THEMIS: variants seen among roughly 807,000 people sequenced by gnomAD.
THEMIS encodes thymocyte selection associated, also known as protein THEMIS.
THEMIS carries 37 observed loss-of-function variants against 52.6 expected under a neutral mutation model. That is an observed-to-expected ratio of 0.70 (90% CI 0.54 to 0.93). The LOEUF is 0.93. Among genes scored for constraint, THEMIS ranks in the 40% least tolerant of loss-of-function variants. The pLI, the probability that THEMIS is intolerant of heterozygous loss-of-function variation, is 0.00. For missense variants in THEMIS, 808 were observed against 763.1 expected, an observed-to-expected ratio of 1.06 and a Z score of -0.69; for synonymous variants, 292 against 272.7, an observed-to-expected ratio of 1.07 and a Z score of -0.70.
intron 4 of THEMIS, among the ~76,000 whole-genome samples, chr6:127,758,001 C>A (rs1775893075): frequency 6.6e-6 from 1 of 151,696 alleles, no homozygotes; most frequent in African/African-American, 2.4e-5. Flanking sequence ...TATATATACA[C>A]ACACCCACAC....
At chr6:127,779,091 T>G (rs1385686788) in intron 4 of THEMIS, among the ~76,000 whole-genome samples, 2 of 152,074 alleles carry the variant, frequency 1.3e-5, no homozygotes, top group Non-Finnish European at 2.9e-5. Context: ...AAACTGAAAC[T>G]ACAGACTGCC....
intron 3 of THEMIS, 87 bp from the exon 4 acceptor site, chr6:127,814,018 CT>C: frequency 8.6e-7 from 1 of 1,163,954 alleles, no homozygotes; most frequent in African/African-American, 1.6e-5. Context: ...AAATAAATTT[CT>C]TTTACAAAAT....
In THEMIS at chr6:127,813,783, T is replaced by C; in HGVS notation, c.858A>G (p.Glu286=). The change falls in exon 4 of 6, where the codon GAA becomes GAG. Residue 286 remains glutamate, a synonymous_variant. Transcript: ENST00000368248. ...GGTTTCCTTCAGGTGCTTCTATGAC[T>C]TCAGTCACTATGGGGAACTCTTTAC... The part of the protein sequence containing the change: ...MTSKEFPIVT[E]VIEAPEGNHL... 6.2e-7 allele frequency: 1 copy of C among 1,614,026 alleles called. No individual in the cohort carries two copies. Among genetic ancestry groups the C allele is most frequent in the South Asian group, 1.1e-5 (1 of 91,054 alleles).
intron 1 of THEMIS, among the ~76,000 whole-genome samples, chr6:127,861,783 CAAAAAAAAAAA>C (rs1225783673): frequency 3.1e-5 from 3 of 95,700 alleles, no homozygotes; most frequent in African/African-American, 5.0e-5. Context: ...GACTCCATCT[CAAAAAAAAAAA>C]AAAAAAAAAA....
intron 2 of THEMIS, among the ~76,000 whole-genome samples, chr6:127,848,270 C>T (rs569949717): frequency 6.6e-6 from 1 of 152,016 alleles, no homozygotes; most frequent in Non-Finnish European, 1.5e-5. Context: ...TTTTTTATAG[C>T]TGCATAGTAT....
At chr6:127,734,979 GTATA>G (rs563903085) in intron 4 of THEMIS, among the ~76,000 whole-genome samples, 2 of 133,790 alleles carry the variant, frequency 1.5e-5, no homozygotes, top group African/African-American at 2.7e-5. Context: ...ATATGTGTGT[GTATA>G]TATATATATA....
At chr6:127,779,267 T>C (rs1323672041) in intron 4 of THEMIS, among the ~76,000 whole-genome samples, 1 of 152,190 alleles carries the variant, frequency 6.6e-6, no homozygotes, top group African/African-American at 2.4e-5. Context: ...CATTAAACAA[T>C]GATAAAATAT....
At chr6:127,857,423 G>A (rs536032700) in intron 1 of THEMIS, among the ~76,000 whole-genome samples, 1 of 152,092 alleles carries the variant, frequency 6.6e-6, no homozygotes, top group Admixed American at 6.6e-5. Flanking sequence ...GAAACTTCAA[G>A]TACTTTGTTA....
At chr6:127,846,305 AATT>A (rs1012705345) in intron 2 of THEMIS, among the ~76,000 whole-genome samples, 2 of 151,976 alleles carry the variant, frequency 1.3e-5, no homozygotes, top group African/African-American at 4.8e-5. Flanking sequence ...TTCAAACAAA[AATT>A]ATGAGAAGGC....
At chr6:127,720,621 G>A (rs1050478617) in intron 4 of THEMIS, among the ~76,000 whole-genome samples, 4 of 151,926 alleles carry the variant, frequency 2.6e-5, no homozygotes. Context: ...TGGCCATTCA[G>A]GCTAGCCATG....
At chr6:127,731,369 AAT>A (rs1774786771) in intron 4 of THEMIS, among the ~76,000 whole-genome samples, 1 of 152,168 alleles carries the variant, frequency 6.6e-6, no homozygotes, top group Non-Finnish European at 1.5e-5. Flanking sequence ...ACGTAAATAT[AAT>A]AAACAGATAT....
intron 4 of THEMIS, among the ~76,000 whole-genome samples, chr6:127,750,068 G>C (rs950642177): frequency 6.7e-6 from 1 of 149,016 alleles, no homozygotes; most frequent in African/African-American, 2.5e-5. Flanking sequence ...AAATGTCAAT[G>C]GATTCATTAT....
chr6:127,910,040 G>T (rs1583419537), intron 1 of THEMIS: 1 of 152,002 alleles, frequency 6.6e-6, no homozygotes, highest in Non-Finnish European at 1.5e-5. Flanking sequence ...GAAACTCTCA[G>T]TAAAAAAAAA....
chr6:127,838,750 A>G (rs1471723514), intron 2 of THEMIS, among the ~76,000 whole-genome samples: 2 of 152,102 alleles, frequency 1.3e-5, no homozygotes, highest in Non-Finnish European at 2.9e-5. Flanking sequence ...TTACTAAATA[A>G]TTCTTCCTTT....
intron 4 of THEMIS, among the ~76,000 whole-genome samples, chr6:127,733,097 T>C (rs1774866691): frequency 6.6e-6 from 1 of 152,256 alleles, no homozygotes; most frequent in Non-Finnish European, 1.5e-5. Context: ...TAAATAACTT[T>C]TCAATGTTAT....
At chr6:127,771,856 C>G (rs1473530467) in intron 4 of THEMIS, among the ~76,000 whole-genome samples, 1 of 152,054 alleles carries the variant, frequency 6.6e-6, no homozygotes, top group Non-Finnish European at 1.5e-5. Flanking sequence ...TCTTCCTTCC[C>G]CAAGGGTTAC....
intron 1 of THEMIS, among the ~76,000 whole-genome samples, chr6:127,907,986 C>T (rs1282887218): frequency 3.3e-5 from 5 of 151,774 alleles, no homozygotes; most frequent in African/African-American, 1.2e-4. Context: ...AAATAAAATC[C>T]TACTATACAC....
At chr6:127,713,858 G>T (rs1420330104) in intron 5 of THEMIS, among the ~76,000 whole-genome samples, 1 of 151,820 alleles carries the variant, frequency 6.6e-6, no homozygotes, top group Non-Finnish European at 1.5e-5. Flanking sequence ...TACACAATCT[G>T]GCTTAAGATT....
At chr6:127,819,828 C>T (rs1260961942) in intron 3 of THEMIS, among the ~76,000 whole-genome samples, 3 of 152,098 alleles carry the variant, frequency 2.0e-5, no homozygotes, top group South Asian at 4.1e-4. Flanking sequence ...AGGTAGGAAA[C>T]TCAGATGTAC....
Sources: allele counts gnomAD v4.1 joint callset (sites outside exome capture counted in the v4.1 genomes callset), GRCh38; gene constraint gnomAD v4.1.1; transcripts MANE v1.5; gene names NCBI Gene and HGNC (gene_info 2026-07-23, HGNC 2026-07-21).